The following EYS variants were observed in gnomAD, a reference collection of about 807,000 sequenced individuals.
EYS encodes EGF-like photoreceptor maintenance factor, also known as protein eyes shut homolog.
EYS carries 250 observed loss-of-function variants against 282.1 expected under a neutral mutation model. The ratio of observed to expected loss-of-function variants is 0.89; its 90% CI spans 0.80 to 0.98. The LOEUF is 0.98. EYS is among the 50% of genes least tolerant of loss of function. EYS has a pLI of 0.00. For synonymous variants in EYS, 1,355 were observed against 1,282.9 expected, an observed-to-expected ratio of 1.06 and a Z score of -1.20; for missense variants, 4,016 against 3,709.0, an observed-to-expected ratio of 1.08 and a Z score of -2.15.
chr6:65,605,253 T>C (rs1765746547), intron 2 of EYS, among the ~76,000 whole-genome samples: 1 of 151,856 alleles, frequency 6.6e-6, no homozygotes, highest in Non-Finnish European at 1.5e-5. Flanking sequence ...TGCATTGACA[T>C]GAATGGTATC....
chr6:64,204,222 G>T (rs189749477), intron 31 of EYS, among the ~76,000 whole-genome samples: 34 of 152,206 alleles, frequency 2.2e-4, no homozygotes, highest in African/African-American at 7.0e-4. Flanking sequence ...GACATTGCAG[G>T]TCATTGCTTC....
intron 8 of EYS, among the ~76,000 whole-genome samples, chr6:65,381,015 G>T (rs759104292): frequency 2.6e-5 from 4 of 152,102 alleles, no homozygotes; most frequent in Non-Finnish European, 5.9e-5. Flanking sequence ...TACACTTTTG[G>T]TGGGAGTGTA....
chr6:65,105,162 G>T (rs2150185337), intron 12 of EYS, among the ~76,000 whole-genome samples: 1 of 151,712 alleles, frequency 6.6e-6, no homozygotes, highest in East Asian at 1.9e-4. Context: ...TGAGTATGCA[G>T]GTTTGTATGA....
chr6:65,339,473 T>C, intron 10 of EYS, among the ~76,000 whole-genome samples: 1 of 151,246 alleles, frequency 6.6e-6, no homozygotes, highest in Non-Finnish European at 1.5e-5. Context: ...TTATAATTGT[T>C]ATATTTTTAT....
chr6:64,855,846 A>G (rs1766042411), intron 19 of EYS, among the ~76,000 whole-genome samples: 1 of 152,166 alleles, frequency 6.6e-6, no homozygotes, highest in Non-Finnish European at 1.5e-5. Context: ...TCATAATGAC[A>G]TAAAGTTAGA....
chr6:64,987,908 A>G (rs1156239337), intron 14 of EYS, among the ~76,000 whole-genome samples: 1 of 151,530 alleles, frequency 6.6e-6, no homozygotes, highest in Non-Finnish European at 1.5e-5. Context: ...TATTTAATAC[A>G]CTTGTGTTTA....
chr6:64,562,032 T>C (rs776239109), intron 26 of EYS, among the ~76,000 whole-genome samples: 1 of 151,700 alleles, frequency 6.6e-6, no homozygotes, highest in African/African-American at 2.4e-5. Context: ...AGCATGGTAC[T>C]AGTGCAAAAA....
At chr6:64,464,782 C>A (rs1216890984) in intron 26 of EYS, among the ~76,000 whole-genome samples, 2 of 151,926 alleles carry the variant, frequency 1.3e-5, no homozygotes, top group African/African-American at 4.8e-5. Context: ...AGTACTAATA[C>A]TTTCTGAATT....
chr6:65,600,952 G>A (rs1356401093), intron 2 of EYS, among the ~76,000 whole-genome samples: 1 of 151,770 alleles, frequency 6.6e-6, no homozygotes, highest in Middle Eastern at 3.2e-3. Context: ...TACAACTCAT[G>A]TCACTTAGTT....
At chr6:65,371,739 C>CTG (rs1249374177) in intron 8 of EYS, among the ~76,000 whole-genome samples, 3,368 of 51,518 alleles carry the variant, frequency 0.065, 33 homozygotes, top group Middle Eastern at 0.14. Flanking sequence ...CTCTCTCTCT[C>CTG]TCTGTGTGTG....
intron 31 of EYS, among the ~76,000 whole-genome samples, chr6:64,093,148 T>G (rs981695220): frequency 6.6e-6 from 1 of 152,106 alleles, no homozygotes. Flanking sequence ...GCTGTTTTGG[T>G]TACTGTAGCC....
chr6:65,409,703 A>T (rs1766900765), intron 5 of EYS, among the ~76,000 whole-genome samples: 1 of 152,124 alleles, frequency 6.6e-6, no homozygotes, highest in Non-Finnish European at 1.5e-5. Flanking sequence ...TTTATTGAAA[A>T]ATTTCTTATA....
intron 5 of EYS, among the ~76,000 whole-genome samples, chr6:65,488,653 G>A (rs1260568580): frequency 6.6e-6 from 1 of 152,068 alleles, no homozygotes; most frequent in Non-Finnish European, 1.5e-5. Context: ...AACCAAAAAA[G>A]AGCCCACATA....
At chr6:65,468,498 T>TTAG (rs1765089360) in intron 5 of EYS, among the ~76,000 whole-genome samples, 4 of 152,006 alleles carry the variant, frequency 2.6e-5, no homozygotes, top group African/African-American at 4.8e-5. Context: ...TATTTATTTA[T>TTAG]TTAGTTAGTT....
intron 29 of EYS, among the ~76,000 whole-genome samples, chr6:64,335,153 T>C (rs1489267107): frequency 6.6e-6 from 1 of 151,984 alleles, no homozygotes; most frequent in Non-Finnish European, 1.5e-5. Flanking sequence ...AAGGGGGGAA[T>C]AAAGAAGGAA....
chr6:63,851,024 C>T (rs1034946846), intron 36 of EYS, among the ~76,000 whole-genome samples: 8 of 152,150 alleles, frequency 5.3e-5, no homozygotes, highest in African/African-American at 1.7e-4. Flanking sequence ...GGGTTGCAAT[C>T]CTAGTCTCTG....
chr6:64,355,679 T>C (rs190018866), intron 29 of EYS, among the ~76,000 whole-genome samples: 2 of 151,752 alleles, frequency 1.3e-5, no homozygotes, highest in East Asian at 2.0e-4. Context: ...TGGACATCCA[T>C]TAATCAATTC....
At chr6:65,330,180 A>G in intron 11 of EYS, 16 of 979,070 alleles carry the variant, frequency 1.6e-5, no homozygotes, top group Non-Finnish European at 1.9e-5. Context: ...AATCTTACCT[A>G]TGTATAGTAC....
intron 26 of EYS, among the ~76,000 whole-genome samples, chr6:64,449,075 T>C (rs1775222105): frequency 6.6e-6 from 1 of 151,920 alleles, no homozygotes; most frequent in Admixed American, 6.6e-5. Flanking sequence ...AGAAGGAAGT[T>C]CAAACCAATG....
Sources: allele counts gnomAD v4.1 joint callset (sites outside exome capture counted in the v4.1 genomes callset), GRCh38; gene constraint gnomAD v4.1.1; transcripts MANE v1.5; gene names NCBI Gene and HGNC (gene_info 2026-07-23, HGNC 2026-07-21).